WWOX: variants seen among roughly 807,000 people sequenced by gnomAD.
WWOX encodes the protein WW domain containing oxidoreductase, also known as WW domain-containing oxidoreductase.
Under a neutral mutation model 46.2 loss-of-function variants are expected in WWOX, and 69 were observed. That is an observed-to-expected ratio of 1.49 (90% CI 1.23 to 1.82). The LOEUF is 1.82. Ranked by LOEUF, WWOX falls within the 40% of genes most tolerant of loss-of-function variation. WWOX has a pLI of 0.00. For synonymous variants in WWOX, 359 were observed against 202.6 expected, an observed-to-expected ratio of 1.77 and a Z score of -6.56; for missense variants, 919 against 542.6, an observed-to-expected ratio of 1.69 and a Z score of -6.89.
intron 5 of WWOX, among the ~76,000 whole-genome samples, chr16:78,241,736 C>G (rs2037656890): frequency 6.6e-6 from 1 of 152,086 alleles, no homozygotes; most frequent in Non-Finnish European, 1.5e-5. Context: ...CACCACGCCC[C>G]TCACGCGCAG....
chr16:78,937,356 G>A lies in WWOX; in HGVS notation c.1057-274252G>A, dbSNP rs193243805. Among the ~76,000 whole-genome samples the A allele has an allele frequency of 6.6e-3, 996 of 150,424 alleles. 9 individuals carry two copies. Among genetic ancestry groups the A allele is most frequent in the Non-Finnish European group, 9.2e-3 (621 of 67,754 alleles). ...AGGTGTCAGATTATGCATTAACAAAGACATCCTTTTTCTTTGAGTATGTGT... is the reference window on the plus strand; with the variant it reads ...AGGTGTCAGATTATGCATTAACAAAAACATCCTTTTTCTTTGAGTATGTGT... On this transcript the variant is annotated intron_variant, in intron 8 of 8. Transcript: ENST00000566780.
chr16:79,152,222 C>T (rs974244098), intron 8 of WWOX, among the ~76,000 whole-genome samples: 1 of 152,190 alleles, frequency 6.6e-6, no homozygotes, highest in African/African-American at 2.4e-5. Flanking sequence ...GATTCGCTGA[C>T]CCATGCTGGC....
At chr16:78,713,663 G>C (rs1212318078) in intron 8 of WWOX, among the ~76,000 whole-genome samples, 1 of 152,186 alleles carries the variant, frequency 6.6e-6, no homozygotes, top group Non-Finnish European at 1.5e-5. Flanking sequence ...GACACATTGA[G>C]GAGGTGGCTG....
chr16:78,493,049 C>T (rs1042788300), intron 8 of WWOX, among the ~76,000 whole-genome samples: 1 of 152,178 alleles, frequency 6.6e-6, no homozygotes, highest in Non-Finnish European at 1.5e-5. Flanking sequence ...CAGCATGGAT[C>T]TTCCTGCAGA....
intron 6 of WWOX, among the ~76,000 whole-genome samples, chr16:78,419,222 G>A (rs8054751): frequency 0.26 from 38,853 of 152,076 alleles, 10,522 homozygotes; most frequent in African/African-American, 0.68. Context: ...TCTGCAAATT[G>A]TGTACAAATT....
intron 6 of WWOX, among the ~76,000 whole-genome samples, chr16:78,421,272 G>C (rs1056663138): frequency 2.6e-5 from 4 of 152,130 alleles, no homozygotes; most frequent in African/African-American, 9.7e-5. Flanking sequence ...TCCTTCTGGA[G>C]GCTGGAAGGA....
At chr16:78,186,035 C>T (rs1389158827) in intron 5 of WWOX, among the ~76,000 whole-genome samples, 1 of 152,036 alleles carries the variant, frequency 6.6e-6, no homozygotes, top group Non-Finnish European at 1.5e-5. Flanking sequence ...TAGCCACTGG[C>T]CATGTGTGGC....
chr16:78,943,016 C>A (rs1042557816), intron 8 of WWOX, among the ~76,000 whole-genome samples: 1 of 152,156 alleles, frequency 6.6e-6, no homozygotes, highest in Non-Finnish European at 1.5e-5. Context: ...TGCCTTTCTG[C>A]GTTTATTTTT....
chr16:78,406,382 C>G (rs1398897282), intron 6 of WWOX, among the ~76,000 whole-genome samples: 1 of 130,876 alleles, frequency 7.6e-6, no homozygotes. Flanking sequence ...GAGACGGAGT[C>G]TTGCTCTGTC....
chr16:79,099,289 A>G (rs1306858504), intron 8 of WWOX, among the ~76,000 whole-genome samples: 1 of 152,194 alleles, frequency 6.6e-6, no homozygotes, highest in Non-Finnish European at 1.5e-5. Flanking sequence ...TTTGGTGGGG[A>G]CAGGCAAACC....
chr16:79,195,806 G>A (rs1327465237), intron 8 of WWOX, among the ~76,000 whole-genome samples: 1 of 152,182 alleles, frequency 6.6e-6, no homozygotes, highest in Non-Finnish European at 1.5e-5. Context: ...TCAGTGACTG[G>A]GTGAGTTTGA....
chr16:79,124,773 A>C (rs2150683118), intron 8 of WWOX, among the ~76,000 whole-genome samples: 1 of 152,330 alleles, frequency 6.6e-6, no homozygotes, highest in Middle Eastern at 3.4e-3. Flanking sequence ...TTGGTTAGAA[A>C]GTGTGCAATT....
chr16:78,282,480 C>T (rs541721011), intron 5 of WWOX, among the ~76,000 whole-genome samples: 2 of 152,238 alleles, frequency 1.3e-5, no homozygotes, highest in East Asian at 3.9e-4. Flanking sequence ...ACCTGCCTTG[C>T]GTTCTGTTAC....
At chr16:79,108,380 A>C (rs888091215) in intron 8 of WWOX, among the ~76,000 whole-genome samples, 1 of 152,194 alleles carries the variant, frequency 6.6e-6, no homozygotes, top group Non-Finnish European at 1.5e-5. Flanking sequence ...ACATCCATGC[A>C]TTTTTCTGGT....
At chr16:78,678,429 T>C (rs888917901) in intron 8 of WWOX, among the ~76,000 whole-genome samples, 3 of 152,212 alleles carry the variant, frequency 2.0e-5, no homozygotes, top group African/African-American at 7.2e-5. Context: ...TTATTTTAGT[T>C]TGGCCTCAAT....
In WWOX at chr16:78,670,971, G is replaced by T. The variant is rs1418770212; in HGVS notation, c.1056+238219G>T. Among the ~76,000 whole-genome samples, 3 of 151,810 alleles carry T rather than the reference G, an allele frequency of 2.0e-5. No homozygotes were observed. In the East Asian group the frequency reaches 5.8e-4, roughly 29 times the overall value. On this transcript the variant is annotated intron_variant, in intron 8 of 8. Coordinates refer to ENST00000566780, the MANE Select transcript of WWOX (RefSeq NM_016373.4). ...TGATGCCAAGACAGAAGTAAAGATT[G>T]GAGTGGTGCCATCTACCAGCCAAGG...
intron 8 of WWOX, among the ~76,000 whole-genome samples, chr16:78,590,848 G>C (rs1486583433): frequency 6.6e-6 from 1 of 152,142 alleles, no homozygotes; most frequent in Non-Finnish European, 1.5e-5. Flanking sequence ...GGTTGCAGAG[G>C]AGTTGTTAAG....
chr16:78,606,387 T>G (rs1288690403), intron 8 of WWOX, among the ~76,000 whole-genome samples: 1 of 152,158 alleles, frequency 6.6e-6, no homozygotes, highest in African/African-American at 2.4e-5. Flanking sequence ...TACTTTGGAT[T>G]TATTCTTTTG....
At chr16:78,467,191 T>A (rs2084100455) in intron 8 of WWOX, among the ~76,000 whole-genome samples, 1 of 152,260 alleles carries the variant, frequency 6.6e-6, no homozygotes, top group African/African-American at 2.4e-5. Context: ...TTCAAAGAGG[T>A]AGGCTGGAAG....
Sources: allele counts gnomAD v4.1 joint callset (sites outside exome capture counted in the v4.1 genomes callset), GRCh38; gene constraint gnomAD v4.1.1; transcripts MANE v1.5; gene names NCBI Gene and HGNC (gene_info 2026-07-23, HGNC 2026-07-21).